Variants in ENTPD7 observed in about 807,000 individuals in gnomAD.
ENTPD7 encodes the protein ectonucleoside triphosphate diphosphohydrolase 7.
ENTPD7 carries 53 observed loss-of-function variants against 77.9 expected under a neutral mutation model. That is an observed-to-expected ratio of 0.68 (90% confidence interval 0.55 to 0.85). The LOEUF is 0.85. ENTPD7 is among the 40% of genes least tolerant of loss of function. The pLI, the probability that ENTPD7 is intolerant of heterozygous loss-of-function variation, is 0.00. For missense variants in ENTPD7, 636 were observed against 743.7 expected (o/e 0.86, Z 1.68); for synonymous variants, 248 against 274.9 (o/e 0.90, Z 0.97).
At chr10:99,690,004 G>GA (rs35429967) in intron 7 of ENTPD7, among the ~76,000 whole-genome samples, 1 of 151,820 alleles carries the variant, frequency 6.6e-6, no homozygotes, top group South Asian at 2.1e-4. Context: ...GGTAACCAGT[G>GA]AAAAAAAAGT....
At chr10:99,695,107 A>G (rs2035949165) in intron 8 of ENTPD7, among the ~76,000 whole-genome samples, 1 of 152,224 alleles carries the variant, frequency 6.6e-6, no homozygotes, top group African/African-American at 2.4e-5. Flanking sequence ...TGATTAATTC[A>G]GCCTCTGCCC....
At chr10:99,661,235 G>A (rs2035481736) in intron 2 of ENTPD7, among the ~76,000 whole-genome samples, 1 of 152,128 alleles carries the variant, frequency 6.6e-6, no homozygotes, top group Admixed American at 6.5e-5. Context: ...CACTCAAAGT[G>A]CAGTTTGGAA....
chr10:99,660,921 CA>C (rs33958635), intron 2 of ENTPD7, among the ~76,000 whole-genome samples: 63,563 of 143,484 alleles, frequency 0.44, 13,842 homozygotes, highest in Middle Eastern at 0.65. Flanking sequence ...GACTCCATCT[CA>C]AAAAAAAAAA....
At position 99,710,368 on chromosome 10, in the gene ENTPD7, A is replaced by T. The variant is rs1380812402; in HGVS notation, c.*5685A>T. On this transcript the variant is annotated 3_prime_UTR_variant, in exon 13 of 13. Transcript: ENST00000370489. Reference sequence around the variant, plus strand: ...CCCTTTAGTTGAAGTCCTGAAGTACATGCCATGTACTCCCCCTTTATTTCT... The same window carrying T: ...CCCTTTAGTTGAAGTCCTGAAGTACTTGCCATGTACTCCCCCTTTATTTCT... 2.2e-5 allele frequency: 22 copies of T among 985,326 alleles called. No homozygotes were observed. In the South Asian group the frequency reaches 3.8e-4, roughly 17 times the overall value. The allele number at this position is 985,326 out of a possible 1,614,324, so 61.0% of individuals were successfully genotyped here. A position where few individuals can be genotyped will look rare whatever the true frequency, so the allele number is the denominator to read the frequency against.
At chr10:99,695,329 C>G (rs1239361670) in intron 8 of ENTPD7, among the ~76,000 whole-genome samples, 1 of 152,014 alleles carries the variant, frequency 6.6e-6, no homozygotes, top group Non-Finnish European at 1.5e-5. Context: ...TCGAGAACAT[C>G]CTGGCCAACA....
intron 2 of ENTPD7, 142 bp downstream of exon 2, chr10:99,660,106 C>A: frequency 1.5e-6 from 2 of 1,310,780 alleles, no homozygotes; most frequent in Non-Finnish European, 2.1e-6. Flanking sequence ...GATGCAGAGA[C>A]GATCAAAGTT....
chr10:99,699,496 G>A (rs2133507125), intron 10 of ENTPD7, among the ~76,000 whole-genome samples: 1 of 152,182 alleles, frequency 6.6e-6, no homozygotes, highest in East Asian at 1.9e-4. Flanking sequence ...CTTTATTTAG[G>A]GCCATCTCTT....
At position 99,664,641 on chromosome 10, in the gene ENTPD7, G is replaced by A. The variant is rs369814377; in HGVS notation, c.191+3013G>A. Among the ~76,000 whole-genome samples the A allele has an allele frequency of 3.1e-4, 46 of 150,564 alleles. 1 individual carries two copies. In the East Asian group the frequency reaches 8.2e-3, roughly 27 times the overall value. ...ATTTTTTGTATTTTTAATAGAGATG[G>A]GGTTTCACTGTGTTAGCCAGGATGG... On this transcript the variant is annotated intron_variant, in intron 3 of 12. Transcript: ENST00000370489.
chr10:99,678,647 C>A (rs1257017372), intron 3 of ENTPD7, among the ~76,000 whole-genome samples: 1 of 148,540 alleles, frequency 6.7e-6, no homozygotes, highest in East Asian at 2.0e-4. Flanking sequence ...TGCAGTGGCT[C>A]ATGCCTGTAA....
At chr10:99,676,860 A>G (rs1289556299) in intron 3 of ENTPD7, among the ~76,000 whole-genome samples, 2 of 152,186 alleles carry the variant, frequency 1.3e-5, no homozygotes, top group African/African-American at 4.8e-5. Flanking sequence ...ATCCAGAAAA[A>G]AAGTTCTACC....
chr10:99,674,168 G>T (rs542181824), intron 3 of ENTPD7, among the ~76,000 whole-genome samples: 1 of 152,328 alleles, frequency 6.6e-6, no homozygotes, highest in Admixed American at 6.5e-5. Context: ...TAGAGAAGCA[G>T]ATGGATGTTA....
intron 3 of ENTPD7, among the ~76,000 whole-genome samples, chr10:99,666,384 T>C (rs1210505164): frequency 3.3e-5 from 5 of 151,940 alleles, no homozygotes; most frequent in African/African-American, 1.2e-4. Flanking sequence ...GTTTTTGTAT[T>C]TTTTAGTAGA....
Position 99,700,981 on chromosome 10 carries a change from T to A in ENTPD7, c.1344T>A (p.Cys448Ter), listed in dbSNP as rs751195367. Residue 448 changes from cysteine to a stop codon, truncating the protein, a stop_gained, in exon 11 of 13, where the codon TGT (cysteine) becomes TGA (stop). Transcript: ENST00000370489. LOFTEE classifies it high-confidence loss of function. The part of the protein sequence containing the change: ...PTFAKAAQDY[C>*]GMAWSVLTQR... ...CTCTGTGGTTGATCCAGGATTACTG[T>A]GGCATGGCTTGGTCGGTACTAACTC... The A allele has an allele frequency of 1.9e-6, 3 of 1,613,860 alleles. No homozygotes were observed. The highest frequency in any genetic ancestry group is 2.5e-6 in the Non-Finnish European group (3 of 1,179,880).
intron 3 of ENTPD7, among the ~76,000 whole-genome samples, chr10:99,674,984 T>C (rs1334399972): frequency 6.6e-6 from 1 of 152,242 alleles, no homozygotes; most frequent in Non-Finnish European, 1.5e-5. Context: ...ACTTCTGCTA[T>C]ATGCTGAAGT....
intron 6 of ENTPD7, 71 bp from the exon 7 acceptor site, chr10:99,688,623 C>A: frequency 7.1e-7 from 1 of 1,404,330 alleles, no homozygotes; most frequent in Non-Finnish European, 9.9e-7. Context: ...GAAAGAGAAG[C>A]CCTAAGGGAG....
rs528317677 is a variant in ENTPD7 at position 99,696,155 on chromosome 10, T to C, written c.1010+33T>C. On this transcript the variant is annotated intron_variant, in intron 9 of 12. Transcript: ENST00000370489. ...TGATATGGGATCTGAGTTTCTGAAA[T>C]ATAATGTCAGGCTGCAGATATTAGG... 9 of 1,608,152 alleles carry C rather than the reference T, an allele frequency of 5.6e-6. No individual in the cohort carries two copies. In the African/African-American group the frequency reaches 9.4e-5, roughly 17 times the overall value.
At position 99,698,596 on chromosome 10, in the gene ENTPD7, T is replaced by G. The variant is rs1298123332; in HGVS notation, c.1073T>G (p.Val358Gly). The G allele has an allele frequency of 3.7e-6, 6 of 1,614,040 alleles. No homozygotes were observed. Among genetic ancestry groups the G allele is most frequent in the Non-Finnish European group, 5.1e-6 (6 of 1,180,032 alleles). ...DNPFLDPCLP[V>G]GLTDVVERNS... is the part of the protein sequence containing the mutation. The stretch of plus-strand genomic sequence containing the variant: ...CCATTTCTGGATCCCTGCCTGCCAG[T>G]GGGACTCACAGATGTGGTGGAGAGG... The change falls in exon 10 of 13, where the codon GTG becomes GGG. Residue 358 changes from valine to glycine, a missense_variant. Physicochemically the swap from Val to Gly is moderately radical, Grantham distance 109 (BLOSUM62 -3). Around this residue, in one of 3 missense-constraint regions of ENTPD7, gnomAD observed 486 missense variants for 556.5 expected, o/e 0.87. Coordinates refer to ENST00000370489, the MANE Select transcript of ENTPD7 (RefSeq NM_020354.5).
At position 99,677,714 on chromosome 10, in the gene ENTPD7, A is replaced by C. The variant is rs190728500; in HGVS notation, c.192-1547A>C. On this transcript the variant is annotated intron_variant, in intron 3 of 12. Transcript: ENST00000370489. ...ACTCTTAGTCTTCTTTATTTTCTGA[A>C]CTTTTAAGCCTTTTTCCTCAGAGTC... 5.8e-4 allele frequency among the ~76,000 whole-genome samples: 89 copies of C among 152,208 alleles called. No homozygotes were observed. In the East Asian group the frequency reaches 0.014, roughly 24 times the overall value.
At position 99,682,950 on chromosome 10, in the gene ENTPD7, G is replaced by A. The variant is rs530011956; in HGVS notation, c.549-2842G>A. On this transcript the variant is annotated intron_variant, in intron 5 of 12. Coordinates refer to ENST00000370489, the MANE Select transcript of ENTPD7 (RefSeq NM_020354.5). ...TGTGTTTGGAGGAAAGGAGATTGTT[G>A]CCTCACCTCCTGGCACTGTTCGGTA... 4.6e-5 allele frequency among the ~76,000 whole-genome samples: 7 copies of A among 152,244 alleles called. No individual in the cohort carries two copies. The South Asian group carries it at 1.4e-3, about 32-fold the overall frequency.
Sources: allele counts gnomAD v4.1 joint callset (sites outside exome capture counted in the v4.1 genomes callset), GRCh38; gene constraint gnomAD v4.1.1; regional missense constraint gnomAD v4.1.1; transcripts MANE v1.5; gene names NCBI Gene and HGNC (gene_info 2026-07-23, HGNC 2026-07-21).